MS4A5: variants seen among roughly 807,000 people sequenced by gnomAD.
The protein encoded by MS4A5 is membrane spanning 4-domains A5.
A neutral mutation model predicts 18.2 loss-of-function variants in MS4A5; 15 were observed. The ratio of observed to expected loss-of-function variants is 0.83; its 90% CI spans 0.55 to 1.27. MS4A5 has a LOEUF of 1.27. Ranked by LOEUF, MS4A5 falls within the 50% of genes most tolerant of loss-of-function variation. The pLI is 0.00. For synonymous variants in MS4A5, 89 were observed against 78.7 expected (o/e 1.13, Z -0.69); for missense variants, 232 against 225.7 (o/e 1.03, Z -0.18).
intron 4 of MS4A5, among the ~76,000 whole-genome samples, chr11:60,438,758 G>T (rs1445036370): frequency 6.7e-6 from 1 of 149,172 alleles, no homozygotes; most frequent in African/African-American, 2.5e-5. Context: ...CCAATAACAG[G>T]AGCTGAAATT....
At chr11:60,439,273 T>C (rs28885448) in intron 4 of MS4A5, among the ~76,000 whole-genome samples, 3 of 114,964 alleles carry the variant, frequency 2.6e-5, no homozygotes, top group Non-Finnish European at 3.6e-5. Context: ...TAGGACGTAT[T>C]TCAAAATAAT....
chr11:60,432,325 TA>T, intron 2 of MS4A5, 85 bp from the exon 3 acceptor site: 1 of 823,404 alleles, frequency 1.2e-6, no homozygotes, highest in Non-Finnish European at 1.9e-6. Flanking sequence ...GGCGGGCCTG[TA>T]AAAGAAATGC....
intron 4 of MS4A5, chr11:60,435,470 G>A (rs956588461): frequency 1.4e-5 from 6 of 416,894 alleles, no homozygotes; most frequent in Non-Finnish European, 2.3e-5. Flanking sequence ...ACAGCTCCCA[G>A]CGTGAGAGAC....
chr11:60,435,723 C>G (rs1179803716), intron 4 of MS4A5, among the ~76,000 whole-genome samples: 1 of 152,062 alleles, frequency 6.6e-6, no homozygotes, highest in African/African-American at 2.4e-5. Context: ...GCTTTTCCGA[C>G]GGGCTTAAAA....
At chr11:60,431,232 A>G (rs2086047019) in intron 2 of MS4A5, among the ~76,000 whole-genome samples, 1 of 152,208 alleles carries the variant, frequency 6.6e-6, no homozygotes, top group Non-Finnish European at 1.5e-5. Context: ...CTCTCCCCCA[A>G]AGACCTCTCA....
At chr11:60,433,685 C>T in intron 3 of MS4A5, 80 bp from the exon 4 acceptor site, 1 of 1,396,948 alleles carries the variant, frequency 7.2e-7, no homozygotes, top group Non-Finnish European at 1.0e-6. Flanking sequence ...AAATCCTGCT[C>T]TCCATTCTCC....
intron 4 of MS4A5, among the ~76,000 whole-genome samples, chr11:60,437,378 A>C (rs1349697199): frequency 2.6e-4 from 39 of 149,298 alleles, no homozygotes; most frequent in African/African-American, 6.8e-4. Flanking sequence ...CGAGCAAAAT[A>C]ACCAGCTAAC....
At chr11:60,441,532 A>T (rs1240783402) in intron 4 of MS4A5, among the ~76,000 whole-genome samples, 1 of 151,440 alleles carries the variant, frequency 6.6e-6, no homozygotes, top group Non-Finnish European at 1.5e-5. Flanking sequence ...GACAAAAAAA[A>T]TGGGTATATC....
At chr11:60,436,108 TCCCTGAC>T (rs1315393284) in intron 4 of MS4A5, among the ~76,000 whole-genome samples, 1 of 151,882 alleles carries the variant, frequency 6.6e-6, no homozygotes, top group Non-Finnish European at 1.5e-5. Flanking sequence ...CTCAAGTGGG[TCCCTGAC>T]CCCTGACCCC....
At chr11:60,443,512 G>A (rs2086124645) in intron 4 of MS4A5, among the ~76,000 whole-genome samples, 1 of 151,390 alleles carries the variant, frequency 6.6e-6, no homozygotes, top group South Asian at 2.1e-4. Context: ...GTATTGGGAA[G>A]GAAAATAGAC....
At chr11:60,435,721 G>A (rs555137734) in intron 4 of MS4A5, among the ~76,000 whole-genome samples, 173 of 152,122 alleles carry the variant, frequency 1.1e-3, no homozygotes, top group Non-Finnish European at 2.0e-3. Context: ...GCGCTTTTCC[G>A]ACGGGCTTAA....
intron 4 of MS4A5, 66 bp from the exon 5 acceptor site, chr11:60,447,583 T>A: frequency 1.2e-6 from 1 of 833,198 alleles, no homozygotes; most frequent in Non-Finnish European, 1.9e-6. Context: ...GTCATTATAA[T>A]CAGGAAAACC....
intron 4 of MS4A5, among the ~76,000 whole-genome samples, chr11:60,443,090 G>A (rs905477475): frequency 7.9e-5 from 12 of 152,186 alleles, no homozygotes; most frequent in South Asian, 4.2e-4. Flanking sequence ...GAAGTGAGCC[G>A]GGACTGCACC....
At chr11:60,447,085 TGCTA>T (rs1352599099) in intron 4 of MS4A5, among the ~76,000 whole-genome samples, 56 of 147,058 alleles carry the variant, frequency 3.8e-4, no homozygotes, top group African/African-American at 1.4e-3. Context: ...TCCTATGCTA[TGCTA>T]GCTATGCTAT....
intron 4 of MS4A5, among the ~76,000 whole-genome samples, chr11:60,437,910 G>A (rs977047849): frequency 4.7e-4 from 72 of 151,900 alleles, no homozygotes; most frequent in Middle Eastern, 3.4e-3. Flanking sequence ...ACTCAGCTCT[G>A]CACCAAGCAG....
In MS4A5 at chr11:60,436,459, C is replaced by T. The variant is rs545891138; in HGVS notation, c.492+2542C>T. Among the ~76,000 whole-genome samples, 191 of 137,524 alleles carry T rather than the reference C, an allele frequency of 1.4e-3. 13 individuals carry two copies. The highest frequency in any genetic ancestry group is 4.3e-3 in the African/African-American group (172 of 40,416). 90.2% of individuals were successfully genotyped at this position (137,524 alleles called of 152,430 possible). Reference sequence around the variant, plus strand: ...TGACGAGTTGAGAGGAGGCTTCAGACGATCAAATTACTCTGAGCTATGGGA... The same window carrying T: ...TGACGAGTTGAGAGGAGGCTTCAGATGATCAAATTACTCTGAGCTATGGGA... On this transcript the variant is annotated intron_variant, in intron 4 of 4. Coordinates refer to ENST00000300190, the MANE Select transcript of MS4A5 (RefSeq NM_023945.3).
At chr11:60,438,275 G>T (rs1206825611) in intron 4 of MS4A5, among the ~76,000 whole-genome samples, 4 of 152,260 alleles carry the variant, frequency 2.6e-5, no homozygotes, top group Admixed American at 2.6e-4. Flanking sequence ...TTCAAAGCAG[G>T]ATGTAGAGGG....
chr11:60,433,705 G>T, intron 3 of MS4A5, 60 bp from the exon 4 acceptor site: 1 of 1,530,452 alleles, frequency 6.5e-7, no homozygotes. Context: ...CGCACTCATT[G>T]CTTTGTTTGT....
Position 60,432,467 on chromosome 11 carries a change from G to T in MS4A5, c.339G>T (p.Leu113=). 6.4e-7 allele frequency: 1 copy of T among 1,569,920 alleles called. No individual in the cohort carries two copies. The highest frequency in any genetic ancestry group is 8.7e-7 in the Non-Finnish European group (1 of 1,143,800). ...IAVKRKTTET[L]IILSRIMNFL... ...TGAAAAGAAAAACCACAGAAACTCTGGTGAGTTATATTCTTACTTTATTAA... is the reference window on the plus strand; with the variant it reads ...TGAAAAGAAAAACCACAGAAACTCTTGTGAGTTATATTCTTACTTTATTAA... Residue 113 remains leucine, a splice_region_variant and synonymous_variant, in exon 3 of 5, where the codon CTG becomes CTT. Transcript: ENST00000300190.
Sources: gnomAD v4.1 joint callset for allele counts (sites outside exome capture counted in the v4.1 genomes callset) on GRCh38, gnomAD v4.1.1 for gene constraint, MANE v1.5 for transcripts, NCBI Gene and HGNC (gene_info 2026-07-23, HGNC 2026-07-21) for gene names.